SCN7A: variants seen among roughly 807,000 people sequenced by gnomAD.
The protein encoded by SCN7A is sodium channel protein type 7 subunit alpha.
A neutral mutation model predicts 155.2 loss-of-function variants in SCN7A; 138 were observed. That is an observed-to-expected ratio of 0.89 (90% CI 0.77 to 1.02). The LOEUF is 1.02. Ranked by LOEUF, SCN7A falls within the 50% of genes least tolerant of loss-of-function variation. SCN7A has a pLI of 0.00. For missense variants in SCN7A, 2,058 were observed against 1,986.6 expected, an observed-to-expected ratio of 1.04 and a Z score of -0.68; for synonymous variants, 693 against 649.0, an observed-to-expected ratio of 1.07 and a Z score of -1.03.
intron 20 of SCN7A, among the ~76,000 whole-genome samples, chr2:166,419,951 G>A (rs1272699958): frequency 6.6e-6 from 1 of 151,950 alleles, no homozygotes. Context: ...ATGTATTTAA[G>A]AAACAGATAG....
chr2:166,478,482 A>C (rs1003280787), intron 2 of SCN7A, among the ~76,000 whole-genome samples: 2 of 151,780 alleles, frequency 1.3e-5, no homozygotes, highest in African/African-American at 4.8e-5. Flanking sequence ...ATATTTCCCA[A>C]ATGCTTTCTT....
Position 166,450,376 on chromosome 2 carries a change from G to T in SCN7A, c.1291-2668C>A, listed in dbSNP as rs146419927. ...AAGGACTGCCTATCGCTCACTACCTGGGTGATAGGATCATTCCTACACCAA... is the reference window on the plus strand; with the variant it reads ...AAGGACTGCCTATCGCTCACTACCTTGGTGATAGGATCATTCCTACACCAA... On this transcript the variant is annotated intron_variant, in intron 11 of 25. Coordinates refer to ENST00000643258, the MANE Select transcript of SCN7A (RefSeq NM_002976.4). 5.4e-3 allele frequency among the ~76,000 whole-genome samples: 828 copies of T among 152,082 alleles called. 10 individuals are homozygous for T. Among genetic ancestry groups the T allele is most frequent in the African/African-American group, 0.019 (784 of 41,492 alleles).
Position 166,414,267 on chromosome 2 carries a change from C to CAT in SCN7A, c.3415-1147_3415-1146insAT, listed in dbSNP as rs1418815761. Among the ~76,000 whole-genome samples the CAT allele has an allele frequency of 2.3e-3, 65 of 28,356 alleles. 1 individual carries two copies. The highest frequency in any genetic ancestry group is 9.5e-3 in the African/African-American group (51 of 5,372). The allele number at this position is 28,356 out of a possible 152,430, so 18.6% of individuals were successfully genotyped here. A position where few individuals can be genotyped will look rare whatever the true frequency, so the allele number is the denominator to read the frequency against. Reference sequence around the variant, plus strand: ...GTAAATATATATAGATATATATACACACACATATATATATATATACACACA... The same window carrying CAT: ...GTAAATATATATAGATATATATACACATACACATATATATATATATACACACA... On this transcript the variant is annotated intron_variant, in intron 21 of 25. Transcript: ENST00000643258.
intron 15 of SCN7A, among the ~76,000 whole-genome samples, chr2:166,433,052 G>C (rs1043042865): frequency 1.3e-5 from 2 of 152,070 alleles, no homozygotes; most frequent in Admixed American, 1.3e-4. Flanking sequence ...TCCAGAGTGT[G>C]AAAGAACACT....
At chr2:166,493,030 CT>C (rs1683148550) in intron 1 of SCN7A, among the ~76,000 whole-genome samples, 1 of 152,180 alleles carries the variant, frequency 6.6e-6, no homozygotes, top group Admixed American at 6.6e-5. Context: ...ATAGGTCTTA[CT>C]TGTAAAAACA....
chr2:166,467,068 T>C (rs1190660916), intron 7 of SCN7A, among the ~76,000 whole-genome samples: 1 of 151,894 alleles, frequency 6.6e-6, no homozygotes, highest in Non-Finnish European at 1.5e-5. Flanking sequence ...TATCATTCTT[T>C]TTACTATAAG....
At chr2:166,425,930 G>C (rs183720881) in intron 18 of SCN7A, among the ~76,000 whole-genome samples, 1 of 151,666 alleles carries the variant, frequency 6.6e-6, no homozygotes, top group East Asian at 2.0e-4. Flanking sequence ...TGTGAAGCTG[G>C]ATAAAAGGAA....
chr2:166,462,163 T>G, intron 10 of SCN7A: 1 of 386,408 alleles, frequency 2.6e-6, no homozygotes, highest in East Asian at 3.9e-5. Flanking sequence ...TCTCTCTCTC[T>G]CTCTCTGACC....
At chr2:166,473,594 T>G (rs954054253) in intron 5 of SCN7A, among the ~76,000 whole-genome samples, 3 of 151,298 alleles carry the variant, frequency 2.0e-5, no homozygotes, top group African/African-American at 7.3e-5. Flanking sequence ...GTTACCTGAG[T>G]TAGAAGCAAA....
rs1183716062 is a variant in SCN7A, at chr2:166,405,935, G to C, written c.4694C>G (p.Pro1565Arg). ...ATGAATTCTGTCCCCAACAGCCATGGGGAGGTCCAAAGCAATGAGCTGGCC... is the reference window on the plus strand; with the variant it reads ...ATGAATTCTGTCCCCAACAGCCATGCGGAGGTCCAAAGCAATGAGCTGGCC... ...NKGQLIALDL[P>R]MAVGDRIHCL... Residue 1565 changes from proline to arginine, a missense_variant, in exon 26 of 26, where the codon CCC becomes CGC. Pro to Arg is a moderately radical substitution (Grantham distance 103, BLOSUM62 -2). Transcript: ENST00000643258. 6.2e-7 allele frequency: 1 copy of C among 1,613,030 alleles called. No individual in the cohort carries two copies. Among genetic ancestry groups the C allele is most frequent in the Non-Finnish European group, 8.5e-7 (1 of 1,179,386 alleles).
At chr2:166,414,955 TTATTATATA>T (rs1701339389) in intron 21 of SCN7A, among the ~76,000 whole-genome samples, 1 of 95,726 alleles carries the variant, frequency 1.0e-5, no homozygotes, top group African/African-American at 4.5e-5. Context: ...ATAATATATA[TTATTATATA>T]GGATAATATA....
intron 5 of SCN7A, among the ~76,000 whole-genome samples, chr2:166,473,272 A>T (rs191525383): frequency 8.9e-4 from 135 of 151,932 alleles, no homozygotes; most frequent in African/African-American, 3.1e-3. Context: ...TCAAATATCA[A>T]ATTTGCTCCC....
In SCN7A at chr2:166,474,348, TAAG is replaced by T. The variant is rs1386321438; in HGVS notation, c.235-7_235-5del. The T allele has an allele frequency of 1.5e-6, 2 of 1,363,882 alleles. No homozygotes were observed. The highest frequency in any genetic ancestry group is 2.0e-6 in the Non-Finnish European group (2 of 998,280). The allele number at this position is 1,363,882 out of a possible 1,614,324, so 84.5% of individuals were successfully genotyped here. ...TTTTATTTAATACTATGAAAGTCTGTAAGAAGAAAAGCGATCAAGTGAAATTAG... is the reference window on the plus strand; with the variant it reads ...TTTTATTTAATACTATGAAAGTCTGTAAGAAAAGCGATCAAGTGAAATTAG... On this transcript the variant is annotated splice_region_variant and splice_polypyrimidine_tract_variant and intron_variant, in intron 3 of 25. Transcript: ENST00000643258.
intron 15 of SCN7A, among the ~76,000 whole-genome samples, chr2:166,433,507 C>A (rs978809563): frequency 1.3e-5 from 2 of 152,068 alleles, no homozygotes; most frequent in Non-Finnish European, 2.9e-5. Context: ...TGATTTGTTT[C>A]TCTTTTACAG....
intron 21 of SCN7A, among the ~76,000 whole-genome samples, chr2:166,414,268 A>ATATG (rs1468025455): frequency 0.022 from 512 of 23,278 alleles, 25 homozygotes; most frequent in African/African-American, 0.046. Context: ...ATATATACAC[A>ATATG]CACATATATA....
intron 11 of SCN7A, among the ~76,000 whole-genome samples, chr2:166,455,581 C>G (rs1702256001): frequency 6.6e-6 from 1 of 152,034 alleles, no homozygotes; most frequent in South Asian, 2.1e-4. Flanking sequence ...GGCTGAAAAA[C>G]TGCTTGTTGG....
rs772868472 is a variant in SCN7A, at chr2:166,405,956, T to C, written c.4673A>G (p.Gln1558Arg). The C allele has an allele frequency of 3.1e-6, 5 of 1,612,924 alleles. No homozygotes were observed. In the East Asian group the frequency reaches 1.1e-4, roughly 36 times the overall value. The change falls in exon 26 of 26, where the codon CAG becomes CGG. Residue 1558 changes from glutamine to arginine, a missense_variant. Coordinates refer to ENST00000643258, the MANE Select transcript of SCN7A (RefSeq NM_002976.4). ...CATGGGGAGGTCCAAAGCAATGAGCTGGCCCTTGTTTGGTTTTGCCATGAA... is the reference window on the plus strand; with the variant it reads ...CATGGGGAGGTCCAAAGCAATGAGCCGGCCCTTGTTTGGTTTTGCCATGAA... ...PLFMAKPNKG[Q>R]LIALDLPMAV... is the part of the protein sequence containing the mutation.
In SCN7A at chr2:166,423,480, T is replaced by C. The variant is rs373244946; in HGVS notation, c.2854-48A>G. The C allele has an allele frequency of 2.3e-5, 33 of 1,452,468 alleles. No homozygotes were observed. The African/African-American group carries it at 4.6e-4, about 20-fold the overall frequency. 90.0% of individuals were successfully genotyped at this position (1,452,468 alleles called of 1,614,324 possible). On this transcript the variant is annotated intron_variant, in intron 18 of 25. Coordinates refer to ENST00000643258, the MANE Select transcript of SCN7A (RefSeq NM_002976.4). The stretch of plus-strand genomic sequence containing the variant: ...AAGGATTAGGTGTACAGGTAATTTC[T>C]AAAAACTCTTTTGACATAAAAGCGA...
intron 14 of SCN7A, among the ~76,000 whole-genome samples, chr2:166,442,721 T>C (rs1215136736): frequency 6.6e-6 from 1 of 152,178 alleles, no homozygotes; most frequent in East Asian, 1.9e-4. Context: ...TTCAGTCTAT[T>C]ACTAGCCTTT....
Sources: allele counts gnomAD v4.1 joint callset (sites outside exome capture counted in the v4.1 genomes callset), GRCh38; gene constraint gnomAD v4.1.1; transcripts MANE v1.5; gene names NCBI Gene and HGNC (gene_info 2026-07-23, HGNC 2026-07-21).